Variants in NHLRC2 observed in about 807,000 individuals in gnomAD.
NHLRC2 encodes NHL repeat containing 2.
NHLRC2 carries 33 observed loss-of-function variants against 68.1 expected under a neutral mutation model. The ratio of observed to expected loss-of-function variants is 0.48; its 90% confidence interval spans 0.37 to 0.65. The LOEUF (loss-of-function observed/expected upper bound fraction) is 0.65. Ranked by LOEUF, NHLRC2 falls within the 30% of genes least tolerant of loss-of-function variation. The pLI, the probability that NHLRC2 is intolerant of heterozygous loss-of-function variation, is 0.00. For missense variants in NHLRC2, 761 were observed against 853.8 expected, an observed-to-expected ratio of 0.89 and a Z score of 1.35; for synonymous variants, 311 against 309.6, an observed-to-expected ratio of 1.00 and a Z score of -0.05.
chr10:113,908,744 T>A lies in NHLRC2; in HGVS notation c.*208T>A. Reference sequence around the variant, plus strand: ...TTCCTTTGCTTTGGCTGATACTAGCTGAGTCATTGATCATCATTGGTACCA... The same window carrying A: ...TTCCTTTGCTTTGGCTGATACTAGCAGAGTCATTGATCATCATTGGTACCA... On this transcript the variant is annotated 3_prime_UTR_variant, in exon 11 of 11. Transcript: ENST00000369301. 1 of 572,098 alleles carries A rather than the reference T, an allele frequency of 1.7e-6. No homozygotes were observed. The highest frequency in any genetic ancestry group is 4.7e-4 in the Middle Eastern group (1 of 2,134). The allele number at this position is 572,098 out of a possible 1,614,324, so 35.4% of individuals were successfully genotyped here. A position where few individuals can be genotyped will look rare whatever the true frequency, so the allele number is the denominator to read the frequency against.
At chr10:113,856,016 G>A (rs1353677098) in intron 1 of NHLRC2, among the ~76,000 whole-genome samples, 1 of 152,166 alleles carries the variant, frequency 6.6e-6, no homozygotes, top group African/African-American at 2.4e-5. Context: ...TGGTTTCTTA[G>A]CTGTACTGTG....
chr10:113,895,008 TTATG>T (rs753971015), intron 5 of NHLRC2, among the ~76,000 whole-genome samples: 38 of 152,184 alleles, frequency 2.5e-4, no homozygotes, highest in Non-Finnish European at 4.6e-4. Flanking sequence ...AGTGTAGTCA[TTATG>T]TAAGTGATCT....
At position 113,902,462 on chromosome 10, in the gene NHLRC2, A is replaced by C. The variant is rs910986227; in HGVS notation, c.1372-9A>C. ...ACTGCTGTTTCTTTTCTTTTAAAAA[A>C]AATTAAAGAATTTATTTGCTTTTGG... On this transcript the variant is annotated splice_polypyrimidine_tract_variant and intron_variant, in intron 7 of 10. Coordinates refer to ENST00000369301, the MANE Select transcript of NHLRC2 (RefSeq NM_198514.4). 60 of 1,542,580 alleles carry C rather than the reference A, an allele frequency of 3.9e-5. No homozygotes were observed. Among genetic ancestry groups the C allele is most frequent in the Non-Finnish European group, 5.2e-5 (59 of 1,143,824 alleles).
intron 2 of NHLRC2, 57 bp from the exon 3 acceptor site, chr10:113,876,464 G>C: frequency 1.0e-6 from 1 of 982,394 alleles, no homozygotes; most frequent in Non-Finnish European, 1.5e-6. Flanking sequence ...ATGTGTAGAT[G>C]ATGATATTCA....
In NHLRC2 at chr10:113,908,588, A is replaced by T; in HGVS notation, c.*52A>T. 3.1e-6 allele frequency: 5 copies of T among 1,588,652 alleles called. No homozygotes were observed. Among genetic ancestry groups the T allele is most frequent in the Non-Finnish European group, 4.3e-6 (5 of 1,160,622 alleles). On this transcript the variant is annotated 3_prime_UTR_variant, in exon 11 of 11. Coordinates refer to ENST00000369301, the MANE Select transcript of NHLRC2 (RefSeq NM_198514.4). ...CCACCACCTACTGTCTCCCATCCTG[A>T]CTATCACTGTAATTTAAGGAAAGAA... is the stretch of plus-strand genomic sequence containing the variant.
chr10:113,859,501 G>C (rs1845795727), intron 2 of NHLRC2, among the ~76,000 whole-genome samples: 1 of 152,178 alleles, frequency 6.6e-6, no homozygotes, highest in African/African-American at 2.4e-5. Context: ...TAAAGGGGAA[G>C]TGATAGAGAA....
chr10:113,870,391 T>C (rs79956628), intron 2 of NHLRC2, among the ~76,000 whole-genome samples: 2,907 of 152,268 alleles, frequency 0.019, 66 homozygotes, highest in East Asian at 0.1. Context: ...AAAGGTGACA[T>C]ACTGTAGACA....
At chr10:113,859,289 A>C (rs1259612995) in intron 2 of NHLRC2, among the ~76,000 whole-genome samples, 3 of 152,176 alleles carry the variant, frequency 2.0e-5, no homozygotes, top group Admixed American at 6.5e-5. Flanking sequence ...AAATTAATCA[A>C]ATTTTTTTTG....
chr10:113,866,646 A>C (rs568237773), intron 2 of NHLRC2, among the ~76,000 whole-genome samples: 1 of 152,142 alleles, frequency 6.6e-6, no homozygotes, highest in East Asian at 1.9e-4. Flanking sequence ...AATTAGAAGA[A>C]TGCACTTTTA....
At chr10:113,858,916 A>G (rs1366116753) in intron 2 of NHLRC2, 1 of 345,326 alleles carries the variant, frequency 2.9e-6, no homozygotes, top group Non-Finnish European at 5.2e-6. Flanking sequence ...CTCTGCGGAT[A>G]GGGGCATAAT....
chr10:113,891,788 C>G (rs1846135136), intron 5 of NHLRC2, among the ~76,000 whole-genome samples: 1 of 152,192 alleles, frequency 6.6e-6, no homozygotes. Flanking sequence ...GGGATGTTCT[C>G]TGTTGTTCAG....
chr10:113,895,769 C>T (rs759918018), intron 5 of NHLRC2, among the ~76,000 whole-genome samples: 12 of 152,122 alleles, frequency 7.9e-5, no homozygotes, highest in African/African-American at 2.9e-4. Context: ...CAAATCCAGA[C>T]CCACCTGGTT....
At chr10:113,906,583 T>A (rs577123761) in intron 10 of NHLRC2, among the ~76,000 whole-genome samples, 1 of 152,052 alleles carries the variant, frequency 6.6e-6, no homozygotes, top group South Asian at 2.1e-4. Context: ...TGTTGTAACT[T>A]CACAAATTGT....
At chr10:113,893,803 A>G (rs1049499075) in intron 5 of NHLRC2, among the ~76,000 whole-genome samples, 2 of 152,212 alleles carry the variant, frequency 1.3e-5, no homozygotes, top group Non-Finnish European at 1.5e-5. Flanking sequence ...TCACTCAGCT[A>G]TGCACCAACA....
rs543219916 is a variant in NHLRC2 at position 113,855,670 on chromosome 10, T to C, written c.178+620T>C. 4.6e-5 allele frequency among the ~76,000 whole-genome samples: 7 copies of C among 152,120 alleles called. No homozygotes were observed. In the East Asian group the frequency reaches 1.4e-3, roughly 29 times the overall value. Reference sequence around the variant, plus strand: ...TTGTTTTGTTTTGTTTTGTTTTGTTTGTATTTTTAGTAGAGACGGCGTTTC... The same window carrying C: ...TTGTTTTGTTTTGTTTTGTTTTGTTCGTATTTTTAGTAGAGACGGCGTTTC... On this transcript the variant is annotated intron_variant, in intron 1 of 10. Coordinates refer to ENST00000369301, the MANE Select transcript of NHLRC2 (RefSeq NM_198514.4).
chr10:113,874,442 T>TTGTGTGTG (rs58207579), intron 2 of NHLRC2, among the ~76,000 whole-genome samples: 24 of 125,742 alleles, frequency 1.9e-4, no homozygotes, highest in Admixed American at 1.5e-3. Context: ...AGGCATGTGT[T>TTGTGTGTG]TGTGTGTGTG....
chr10:113,898,064 T>C (rs1294327600), intron 5 of NHLRC2, 46 bp from the exon 6 acceptor site: 14 of 1,123,974 alleles, frequency 1.2e-5, no homozygotes, highest in Non-Finnish European at 1.8e-5. Context: ...GGAGTGTTTG[T>C]ATTAACCAGA....
chr10:113,892,837 C>A (rs1459707026), intron 5 of NHLRC2, among the ~76,000 whole-genome samples: 1 of 152,214 alleles, frequency 6.6e-6, no homozygotes, highest in South Asian at 2.1e-4. Flanking sequence ...CTTTATACCT[C>A]AACTTCCCCA....
At chr10:113,857,914 C>T (rs1045844720) in intron 1 of NHLRC2, among the ~76,000 whole-genome samples, 1 of 151,978 alleles carries the variant, frequency 6.6e-6, no homozygotes, top group African/African-American at 2.4e-5. Flanking sequence ...TATGTTTATC[C>T]TTACACACAT....
Sources: gnomAD v4.1 joint callset for allele counts (sites outside exome capture counted in the v4.1 genomes callset) on GRCh38, gnomAD v4.1.1 for gene constraint, MANE v1.5 for transcripts, NCBI Gene and HGNC (gene_info 2026-07-23, HGNC 2026-07-21) for gene names.